ESRRB: variants seen among roughly 807,000 people sequenced by gnomAD.
The protein encoded by ESRRB is estrogen related receptor beta, also known as steroid hormone receptor ERR2.
Under a neutral mutation model 46.0 loss-of-function variants are expected in ESRRB, and 16 were observed. The ratio of observed to expected loss-of-function variants is 0.35; its 90% confidence interval spans 0.24 to 0.53. The LOEUF is 0.53. Ranked by LOEUF, ESRRB falls within the 20% of genes least tolerant of loss-of-function variation. The pLI is 0.93. For synonymous variants in ESRRB, 246 were observed against 259.6 expected, an observed-to-expected ratio of 0.95 and a Z score of 0.50; for missense variants, 488 against 607.4, an observed-to-expected ratio of 0.80 and a Z score of 2.07.
chr14:76,409,908 T>C (rs1365569562), intron 1 of ESRRB, among the ~76,000 whole-genome samples: 2 of 152,098 alleles, frequency 1.3e-5, no homozygotes, highest in African/African-American at 2.4e-5. Context: ...TTTTACCCCA[T>C]TCGGGAGAAT....
chr14:76,454,997 C>A (rs1201489163), intron 2 of ESRRB, among the ~76,000 whole-genome samples: 1 of 151,598 alleles, frequency 6.6e-6, no homozygotes, highest in Non-Finnish European at 1.5e-5. Context: ...CCAGCCTGGC[C>A]AACACGGTGA....
chr14:76,371,298 G>A (rs569712053), upstream of ESRRB: 2 of 152,336 alleles, frequency 1.3e-5, no homozygotes, highest in African/African-American at 4.8e-5. Flanking sequence ...CATCACTCAG[G>A]GATATAACTC....
Position 76,499,859 on chromosome 14 carries a change from A to C in ESRRB, c.*1401A>C, listed in dbSNP as rs748886348. 6.2e-7 allele frequency: 1 copy of C among 1,613,816 alleles called. No homozygotes were observed. Among genetic ancestry groups the C allele is most frequent in the African/African-American group, 1.3e-5 (1 of 74,934 alleles). The stretch of plus-strand genomic sequence containing the variant: ...CAGCCCTGAACACCCATTTGTGCTC[A>C]CAGGTTGGCCAAGAGCAGCTTAGAG... On this transcript the variant is annotated 3_prime_UTR_variant, in exon 7 of 7. Coordinates refer to ENST00000644823, the MANE Select transcript of ESRRB (RefSeq NM_001379180.1).
intron 1 of ESRRB, among the ~76,000 whole-genome samples, chr14:76,405,077 C>G (rs117486971): frequency 0.011 from 1,702 of 152,218 alleles, 12 homozygotes; most frequent in Middle Eastern, 0.051. Flanking sequence ...GAAGGATGGG[C>G]TCGCAGATTT....
chr14:76,362,022 G>T (rs1246483931), intron 1 of ESRRB, among the ~76,000 whole-genome samples: 3 of 152,176 alleles, frequency 2.0e-5, no homozygotes, highest in Non-Finnish European at 4.4e-5. Context: ...CCTGAGTCTG[G>T]GGCTGAGTCT....
intron 1 of ESRRB, among the ~76,000 whole-genome samples, chr14:76,421,647 C>T (rs952510770): frequency 1.3e-5 from 2 of 152,144 alleles, no homozygotes; most frequent in Non-Finnish European, 2.9e-5. Flanking sequence ...TAATGACATG[C>T]CCAAGGCCAC....
At position 76,316,026 on chromosome 14, in the gene ESRRB, A is replaced by G. The variant is rs371764041; in HGVS notation, c.2+5110A>G. Among the ~76,000 whole-genome samples the G allele has an allele frequency of 3.3e-5, 5 of 152,128 alleles. No homozygotes were observed. In the East Asian group the frequency reaches 9.6e-4, roughly 29 times the overall value. On this transcript the variant is annotated intron_variant, in intron 1 of 6. Coordinates refer to the ESRRB transcript ENST00000512784. ...CACTGCTGCACCCCCTCCACCCCAC[A>G]TTCTCAGAGGGCAGTTTAGGCTCTG... is the stretch of plus-strand genomic sequence containing the variant.
intron 1 of ESRRB, among the ~76,000 whole-genome samples, chr14:76,406,497 G>A (rs1467111251): frequency 6.6e-6 from 1 of 152,164 alleles, no homozygotes. Context: ...TGTAATCCCA[G>A]CACTTTGGGA....
At chr14:76,346,542 A>C (rs1434002966) in intron 1 of ESRRB, among the ~76,000 whole-genome samples, 1 of 152,192 alleles carries the variant, frequency 6.6e-6, no homozygotes, top group Non-Finnish European at 1.5e-5. Context: ...CTAGGCCTCA[A>C]GACACCATGG....
At chr14:76,360,558 G>A (rs1884451048) in intron 1 of ESRRB, among the ~76,000 whole-genome samples, 1 of 152,192 alleles carries the variant, frequency 6.6e-6, no homozygotes, top group Non-Finnish European at 1.5e-5. Context: ...CCTACCGCCA[G>A]TAGAACATGA....
chr14:76,393,332 A>T (rs886415435), intron 1 of ESRRB, among the ~76,000 whole-genome samples: 21 of 152,094 alleles, frequency 1.4e-4, no homozygotes, highest in Admixed American at 1.3e-3. Flanking sequence ...AGTCTTGCCC[A>T]CCACCTTGCT....
chr14:76,500,051 G>T lies in ESRRB; in HGVS notation c.*1593G>T. On this transcript the variant is annotated 3_prime_UTR_variant, in exon 7 of 7. Transcript: ENST00000644823. ...GCAGGCAGATCTCACCCAGCACTAG[G>T]ACACCAGGAGGCCAGGTAACTTTCT... is the stretch of plus-strand genomic sequence containing the variant. 1.3e-6 allele frequency: 2 copies of T among 1,552,046 alleles called. No homozygotes were observed. Among genetic ancestry groups the T allele is most frequent in the Non-Finnish European group, 1.7e-6 (2 of 1,146,744 alleles).
intron 1 of ESRRB, among the ~76,000 whole-genome samples, chr14:76,340,923 G>T (rs142339448): frequency 1.2e-3 from 176 of 152,238 alleles, no homozygotes; most frequent in African/African-American, 4.1e-3. Context: ...CTCGATCATT[G>T]GTTCTCTCTG....
At chr14:76,334,733 G>A (rs926711734) in intron 1 of ESRRB, among the ~76,000 whole-genome samples, 6 of 152,130 alleles carry the variant, frequency 3.9e-5, no homozygotes, top group Admixed American at 6.5e-5. Context: ...TGACCCTCCT[G>A]TGCTGTACAA....
intron 5 of ESRRB, among the ~76,000 whole-genome samples, chr14:76,484,654 C>A (rs1889934677): frequency 1.3e-5 from 2 of 152,212 alleles, no homozygotes; most frequent in South Asian, 2.1e-4. Context: ...GACCAGGAGA[C>A]CCTGTCTCCC....
intron 3 of ESRRB, among the ~76,000 whole-genome samples, chr14:76,470,135 GATGGGGTTTCACC>G (rs1380494413): frequency 6.6e-6 from 1 of 151,848 alleles, no homozygotes; most frequent in African/African-American, 2.4e-5. Context: ...TTTTAGTAGA[GATGGGGTTTCACC>G]ATGTTGGCCC....
chr14:76,340,139 C>T (rs529106739), intron 1 of ESRRB, among the ~76,000 whole-genome samples: 4 of 152,136 alleles, frequency 2.6e-5, no homozygotes, highest in Non-Finnish European at 5.9e-5. Flanking sequence ...CAGCAGGGCC[C>T]AGAGAGTGGC....
chr14:76,337,015 A>G (rs1168038510), intron 1 of ESRRB, among the ~76,000 whole-genome samples: 6 of 152,034 alleles, frequency 3.9e-5, no homozygotes, highest in Non-Finnish European at 7.4e-5. Context: ...GCCCTGTACA[A>G]TCCCAGAGAA....
chr14:76,444,907 A>T (rs1300910796), intron 2 of ESRRB, among the ~76,000 whole-genome samples: 1 of 152,132 alleles, frequency 6.6e-6, no homozygotes, highest in Non-Finnish European at 1.5e-5. Context: ...TCCTGCCTGT[A>T]ATGGTAGCAC....
Sources: allele counts gnomAD v4.1 joint callset (sites outside exome capture counted in the v4.1 genomes callset), GRCh38; gene constraint gnomAD v4.1.1; transcripts MANE v1.5; gene names NCBI Gene and HGNC (gene_info 2026-07-23, HGNC 2026-07-21).